The following GABRG1 variants were observed in gnomAD, a reference collection of about 807,000 sequenced individuals.
GABRG1 encodes gamma-aminobutyric acid type A receptor subunit gamma1.
GABRG1 carries 49 observed loss-of-function variants against 49.8 expected under a neutral mutation model. That is an observed-to-expected ratio of 0.98 (90% CI 0.78 to 1.25). The LOEUF (loss-of-function observed/expected upper bound fraction) is 1.25, where lower values mean the gene tolerates loss of function less well. Ranked by LOEUF, GABRG1 falls within the 50% of genes most tolerant of loss-of-function variation. GABRG1 has a pLI of 0.00. For synonymous variants in GABRG1, 232 were observed against 185.1 expected, an observed-to-expected ratio of 1.25 and a Z score of -2.06; for missense variants, 552 against 552.3, an observed-to-expected ratio of 1.00 and a Z score of 0.01.
At chr4:46,061,568 C>T (rs1014803169) in intron 5 of GABRG1, among the ~76,000 whole-genome samples, 2 of 151,728 alleles carry the variant, frequency 1.3e-5, no homozygotes, top group African/African-American at 4.8e-5. Context: ...TAGAAAAATA[C>T]TTTTATAAAA....
chr4:46,074,407 T>C (rs1719249441), intron 3 of GABRG1, among the ~76,000 whole-genome samples: 1 of 151,942 alleles, frequency 6.6e-6, no homozygotes, highest in Non-Finnish European at 1.5e-5. Context: ...TGAAAAACTT[T>C]CCAACATTGT....
chr4:46,061,366 A>C (rs1718665503), intron 5 of GABRG1, among the ~76,000 whole-genome samples: 1 of 152,124 alleles, frequency 6.6e-6, no homozygotes, highest in Admixed American at 6.6e-5. Flanking sequence ...AAAAATGTGG[A>C]AATTTAGTAA....
intron 8 of GABRG1, among the ~76,000 whole-genome samples, chr4:46,041,889 A>T (rs2109391145): frequency 6.6e-6 from 1 of 152,156 alleles, no homozygotes; most frequent in African/African-American, 2.4e-5. Flanking sequence ...TAGCTATGAT[A>T]AGTAAATTTC....
At chr4:46,060,727 T>A (rs772252655) in intron 5 of GABRG1, among the ~76,000 whole-genome samples, 1 of 152,164 alleles carries the variant, frequency 6.6e-6, no homozygotes, top group Non-Finnish European at 1.5e-5. Context: ...TATCTTTCCT[T>A]TTCTCCATCT....
At position 46,038,917 on chromosome 4, in the gene GABRG1, T is replaced by C. The variant is rs1461569315; in HGVS notation, c.*2071A>G. ...AGTGAGAAAATCAAAGCTATTTTTT[T>C]TCTTTTACATAGAACGTGGTTCAGA... On this transcript the variant is annotated 3_prime_UTR_variant, in exon 9 of 9. Transcript: ENST00000295452. The C allele has an allele frequency of 6.6e-6, 1 of 151,696 alleles. No individual in the cohort carries two copies. The highest frequency in any genetic ancestry group is 1.5e-5 in the Non-Finnish European group (1 of 67,706). The allele number at this position is 151,696 out of a possible 1,614,324, so 9.4% of individuals were successfully genotyped here.
At chr4:46,048,377 A>G (rs1190885923) in intron 8 of GABRG1, among the ~76,000 whole-genome samples, 1 of 120,342 alleles carries the variant, frequency 8.3e-6, no homozygotes, top group Non-Finnish European at 1.5e-5. Flanking sequence ...TAGAGAAGGA[A>G]GGAAGGAAGG....
At chr4:46,090,955 T>TAC (rs61288916) in intron 2 of GABRG1, among the ~76,000 whole-genome samples, 2,642 of 131,092 alleles carry the variant, frequency 0.02, 35 homozygotes, top group South Asian at 0.054. Flanking sequence ...CACACACACA[T>TAC]ACACACACAC....
chr4:46,115,775 T>C (rs1342075941), intron 1 of GABRG1, among the ~76,000 whole-genome samples: 1 of 150,792 alleles, frequency 6.6e-6, no homozygotes. Flanking sequence ...ACTGTATATC[T>C]CTGTTACTTT....
At chr4:46,054,166 G>A (rs1297074818) in intron 7 of GABRG1, among the ~76,000 whole-genome samples, 5 of 42,706 alleles carry the variant, frequency 1.2e-4, no homozygotes, top group African/African-American at 7.0e-4. Context: ...GTAGATATGC[G>A]GCATTATTTC....
intron 1 of GABRG1, among the ~76,000 whole-genome samples, chr4:46,117,385 A>T (rs533271128): frequency 6.6e-6 from 1 of 150,382 alleles, no homozygotes; most frequent in East Asian, 2.0e-4. Flanking sequence ...AGGATTTCAA[A>T]ATTAAACTAA....
At chr4:46,048,815 A>G (rs1718105494) in intron 8 of GABRG1, among the ~76,000 whole-genome samples, 1 of 151,950 alleles carries the variant, frequency 6.6e-6, no homozygotes, top group African/African-American at 2.4e-5. Flanking sequence ...AGTAAGTTAA[A>G]ACGGGTGTTT....
rs560554534 is a variant in GABRG1, at chr4:46,048,369, G to C, written c.1131+3055C>G. Reference sequence around the variant, plus strand: ...AGAAAAATTTGGTCATAATGGAATAGAGAAGGAAGGAAGGAAGGAAGGAAG... The same window carrying C: ...AGAAAAATTTGGTCATAATGGAATACAGAAGGAAGGAAGGAAGGAAGGAAG... On this transcript the variant is annotated intron_variant, in intron 8 of 8. Transcript: ENST00000295452. Among the ~76,000 whole-genome samples, 18 of 120,488 alleles carry C rather than the reference G, an allele frequency of 1.5e-4. No homozygotes were observed. In the South Asian group the frequency reaches 4.5e-3, roughly 30 times the overall value. 79.0% of individuals were successfully genotyped at this position (120,488 alleles called of 152,430 possible). A position where few individuals can be genotyped will look rare whatever the true frequency, so the allele number is the denominator to read the frequency against.
chr4:46,042,160 A>G (rs1437231914), intron 8 of GABRG1, among the ~76,000 whole-genome samples: 1 of 151,976 alleles, frequency 6.6e-6, no homozygotes, highest in Non-Finnish European at 1.5e-5. Context: ...TACTTGAAAC[A>G]TAGCAAGTAA....
intron 1 of GABRG1, among the ~76,000 whole-genome samples, chr4:46,101,420 T>C (rs946856150): frequency 2.0e-5 from 3 of 151,648 alleles, no homozygotes; most frequent in African/African-American, 4.8e-5. Flanking sequence ...ATTTGGATTG[T>C]GTGTGGCTAG....
chr4:46,104,199 T>C (rs1720465825), intron 1 of GABRG1, among the ~76,000 whole-genome samples: 1 of 151,518 alleles, frequency 6.6e-6, no homozygotes, highest in Non-Finnish European at 1.5e-5. Context: ...ACATTATATT[T>C]CAGTTACTTA....
rs200059897 is a variant in GABRG1, at chr4:46,051,428, G to C, written c.1127C>G (p.Ala376Gly). The change falls in exon 8 of 9, where the codon GCC becomes GGC. Residue 376 changes from alanine to glycine, a missense_variant. Transcript: ENST00000295452. ...ATKDRKLKNK[A>G]SMTPGLHPGS... is the part of the protein sequence containing the mutation. The stretch of plus-strand genomic sequence containing the variant: ...AAATTTTTCTTTTTAACATACCGAG[G>C]CTTTATTTTTTAGCTTTCTGTCTTT... The C allele has an allele frequency of 1.9e-6, 3 of 1,599,388 alleles. No individual in the cohort carries two copies. The highest frequency in any genetic ancestry group is 2.6e-6 in the Non-Finnish European group (3 of 1,173,818).
intron 1 of GABRG1, among the ~76,000 whole-genome samples, chr4:46,114,763 G>A (rs1174447811): frequency 6.6e-6 from 1 of 150,710 alleles, no homozygotes; most frequent in African/African-American, 2.4e-5. Flanking sequence ...AAAAATTATG[G>A]TAGATAACCT....
chr4:46,070,186 A>C (rs1309279368), intron 3 of GABRG1, among the ~76,000 whole-genome samples: 5 of 151,968 alleles, frequency 3.3e-5, no homozygotes, highest in Admixed American at 6.6e-5. Flanking sequence ...CAGCCTAGAA[A>C]CAGCTCTGAA....
intron 1 of GABRG1, among the ~76,000 whole-genome samples, chr4:46,119,522 A>ATTC (rs933653289): frequency 6.6e-6 from 1 of 151,356 alleles, no homozygotes; most frequent in Non-Finnish European, 1.5e-5. Flanking sequence ...TCGAGGCTAT[A>ATTC]TTCTTCTTCT....
Sources: gnomAD v4.1 joint callset for allele counts (sites outside exome capture counted in the v4.1 genomes callset) on GRCh38, gnomAD v4.1.1 for gene constraint, MANE v1.5 for transcripts, NCBI Gene and HGNC (gene_info 2026-07-23, HGNC 2026-07-21) for gene names.